The following CFAP299 variants were observed in gnomAD, a reference collection of about 807,000 sequenced individuals.
CFAP299 encodes the protein cilia and flagella associated protein 299.
Under a neutral mutation model 27.0 loss-of-function variants are expected in CFAP299, and 21 were observed. The observed-to-expected ratio is 0.78, with a 90% CI of 0.55 to 1.12. The LOEUF (loss-of-function observed/expected upper bound fraction) is 1.12, where lower values mean the gene tolerates loss of function less well. Among genes scored for constraint, CFAP299 ranks in the 50% most tolerant of loss-of-function variants. The pLI is 0.00. For synonymous variants in CFAP299, 104 were observed against 98.1 expected, an observed-to-expected ratio of 1.06 and a Z score of -0.36; for missense variants, 310 against 276.6, an observed-to-expected ratio of 1.12 and a Z score of -0.86.
intron 3 of CFAP299, among the ~76,000 whole-genome samples, chr4:80,728,191 T>C (rs1723268867): frequency 6.6e-6 from 1 of 152,072 alleles, no homozygotes; most frequent in Non-Finnish European, 1.5e-5. Flanking sequence ...TGTTGCACAA[T>C]ATCCTTTTTC....
rs1736165879 is a variant in CFAP299 at position 80,581,459 on chromosome 4, T to TATATATATATATATAG, written c.243-1619_243-1618insGATATATATATATATA. ...ATATATAGATATTAAGTGAGATATATATATATATATATATATATATATATA... is the reference window on the plus strand; with the variant it reads ...ATATATAGATATTAAGTGAGATATATATATATATATATATAGATATATATATATATATATATATATA... On this transcript the variant is annotated intron_variant, in intron 2 of 5. Coordinates refer to ENST00000358105, the MANE Select transcript of CFAP299 (RefSeq NM_152770.3). Among the ~76,000 whole-genome samples, 3 of 47,750 alleles carry TATATATATATATATAG rather than the reference T, an allele frequency of 6.3e-5. 1 individual carries two copies. Among genetic ancestry groups the TATATATATATATATAG allele is most frequent in the African/African-American group, 1.6e-4 (3 of 18,730 alleles). 31.3% of individuals were successfully genotyped at this position (47,750 alleles called of 152,430 possible).
At chr4:80,510,883 G>A (rs542181601) in intron 2 of CFAP299, among the ~76,000 whole-genome samples, 1 of 152,284 alleles carries the variant, frequency 6.6e-6, no homozygotes, top group South Asian at 2.1e-4. Context: ...TCCTGACATA[G>A]TTGGCATTGA....
At chr4:80,576,197 A>AAAAATAT (rs980515680) in intron 2 of CFAP299, among the ~76,000 whole-genome samples, 5 of 32,458 alleles carry the variant, frequency 1.5e-4, no homozygotes, top group African/African-American at 3.1e-4. Context: ...TAAAAAAAAA[A>AAAAATAT]ATATATATAT....
chr4:80,842,925 T>C (rs1405059750), intron 3 of CFAP299, among the ~76,000 whole-genome samples: 1 of 152,082 alleles, frequency 6.6e-6, no homozygotes, highest in Non-Finnish European at 1.5e-5. Context: ...TAAATGCCAA[T>C]GTACTGCCTG....
chr4:80,534,679 C>T (rs1287523441), intron 2 of CFAP299, among the ~76,000 whole-genome samples: 5 of 152,032 alleles, frequency 3.3e-5, no homozygotes, highest in Non-Finnish European at 7.4e-5. Flanking sequence ...ATACTTTCTT[C>T]TTGTTTCAGA....
At chr4:80,535,345 A>ATCACTCTCTAGCCATGT (rs1560612280) in intron 2 of CFAP299, among the ~76,000 whole-genome samples, 1 of 73,104 alleles carries the variant, frequency 1.4e-5, no homozygotes, top group African/African-American at 1.2e-4. Flanking sequence ...AAGAGCTTCA[A>ATCACTCTCTAGCCATGT]TTAGCCGGGC....
chr4:80,463,019 G>A (rs1190081556), intron 2 of CFAP299, among the ~76,000 whole-genome samples: 2 of 152,142 alleles, frequency 1.3e-5, no homozygotes, highest in African/African-American at 4.8e-5. Flanking sequence ...AAAGTAGAAT[G>A]AGAACTATGA....
At chr4:80,577,039 A>G (rs966347836) in intron 2 of CFAP299, among the ~76,000 whole-genome samples, 1 of 151,850 alleles carries the variant, frequency 6.6e-6, no homozygotes, top group Non-Finnish European at 1.5e-5. Context: ...ACTCTCCTAC[A>G]CCCCTACTGA....
intron 2 of CFAP299, chr4:80,387,539 C>G (rs1402382970): frequency 1.1e-6 from 1 of 890,482 alleles, no homozygotes; most frequent in Non-Finnish European, 1.9e-6. Flanking sequence ...TGGCCCAACC[C>G]TGTGTTTTCC....
At chr4:80,548,756 G>A (rs1459587758) in intron 2 of CFAP299, among the ~76,000 whole-genome samples, 1 of 152,010 alleles carries the variant, frequency 6.6e-6, no homozygotes, top group South Asian at 2.1e-4. Context: ...CTCTAACTTT[G>A]CTATCTTCTA....
At chr4:80,919,130 C>A (rs895456959) in intron 4 of CFAP299, among the ~76,000 whole-genome samples, 1 of 151,350 alleles carries the variant, frequency 6.6e-6, no homozygotes, top group Non-Finnish European at 1.5e-5. Context: ...ACCTGAATTT[C>A]TTTTCTTCTT....
intron 3 of CFAP299, among the ~76,000 whole-genome samples, chr4:80,590,258 CT>C (rs1736661735): frequency 6.6e-6 from 1 of 152,166 alleles, no homozygotes; most frequent in African/African-American, 2.4e-5. Context: ...GTTTCCTTAT[CT>C]GTAAATTGGA....
At chr4:80,956,307 A>G (rs1280643271) in intron 5 of CFAP299, among the ~76,000 whole-genome samples, 1 of 151,910 alleles carries the variant, frequency 6.6e-6, no homozygotes, top group African/African-American at 2.4e-5. Flanking sequence ...TGCCCTATTT[A>G]TTTTGCATAC....
chr4:80,576,188 A>AG (rs2109861424), intron 2 of CFAP299, among the ~76,000 whole-genome samples: 1 of 134,314 alleles, frequency 7.4e-6, no homozygotes, highest in African/African-American at 3.1e-5. Context: ...GTATAATAAT[A>AG]AAAAAAAAAA....
At chr4:80,614,975 C>T (rs757771327) in intron 3 of CFAP299, among the ~76,000 whole-genome samples, 13 of 151,998 alleles carry the variant, frequency 8.6e-5, no homozygotes, top group Admixed American at 3.9e-4. Flanking sequence ...CACAGATACA[C>T]TTAAATGTTT....
intron 2 of CFAP299, among the ~76,000 whole-genome samples, chr4:80,364,380 C>G (rs1723712419): frequency 6.6e-6 from 1 of 152,074 alleles, no homozygotes; most frequent in South Asian, 2.1e-4. Flanking sequence ...AGCTTTCCCA[C>G]TCCCTCCAGC....
intron 3 of CFAP299, among the ~76,000 whole-genome samples, chr4:80,697,677 C>T (rs1016174980): frequency 3.9e-5 from 6 of 152,030 alleles, no homozygotes; most frequent in Admixed American, 6.6e-5. Flanking sequence ...GGCTTTGGAC[C>T]GTGGTGAAAT....
intron 4 of CFAP299, among the ~76,000 whole-genome samples, chr4:80,900,686 A>G (rs1205490369): frequency 6.6e-6 from 1 of 152,048 alleles, no homozygotes; most frequent in African/African-American, 2.4e-5. Context: ...TTGATAATTC[A>G]AATTTATATG....
intron 2 of CFAP299, among the ~76,000 whole-genome samples, chr4:80,399,873 A>C (rs1429381855): frequency 6.6e-6 from 1 of 152,188 alleles, no homozygotes; most frequent in Non-Finnish European, 1.5e-5. Flanking sequence ...GACCATTTTC[A>C]AATGTAGACT....
Sources: allele counts gnomAD v4.1 joint callset (sites outside exome capture counted in the v4.1 genomes callset), GRCh38; gene constraint gnomAD v4.1.1; transcripts MANE v1.5; gene names NCBI Gene and HGNC (gene_info 2026-07-23, HGNC 2026-07-21).